The following RCL1 variants were observed in gnomAD, a reference collection of about 807,000 sequenced individuals.
RCL1 encodes RNA 3'-terminal phosphate cyclase-like protein.
Under a neutral mutation model 42.4 loss-of-function variants are expected in RCL1, and 24 were observed. That is an observed-to-expected ratio of 0.57 (90% CI 0.41 to 0.80). RCL1 has a LOEUF of 0.80. RCL1 is among the 30% of genes least tolerant of loss of function. The pLI, the probability that RCL1 is intolerant of heterozygous loss-of-function variation, is 0.00. For synonymous variants in RCL1, 228 were observed against 177.3 expected, an observed-to-expected ratio of 1.29 and a Z score of -2.27; for missense variants, 578 against 467.9, an observed-to-expected ratio of 1.24 and a Z score of -2.17.
At chr9:4,830,340 G>A (rs1028245015) in intron 3 of RCL1, among the ~76,000 whole-genome samples, 1 of 152,192 alleles carries the variant, frequency 6.6e-6, no homozygotes, top group Non-Finnish European at 1.5e-5. Context: ...TGTAGGCTGA[G>A]GAGAAGCTGT....
At chr9:4,806,669 T>A (rs1428561525) in intron 1 of RCL1, among the ~76,000 whole-genome samples, 1 of 151,740 alleles carries the variant, frequency 6.6e-6, no homozygotes, top group Non-Finnish European at 1.5e-5. Flanking sequence ...TTTTATTTGC[T>A]AATGTTTTGT....
chr9:4,824,719 A>C (rs1199519267), intron 2 of RCL1, among the ~76,000 whole-genome samples: 1 of 152,154 alleles, frequency 6.6e-6, no homozygotes, highest in Admixed American at 6.5e-5. Context: ...ATGTGGTCCT[A>C]TACCACATGA....
intron 2 of RCL1, among the ~76,000 whole-genome samples, chr9:4,824,218 A>C (rs181503695): frequency 2.1e-3 from 313 of 152,290 alleles, no homozygotes; most frequent in African/African-American, 6.5e-3. Flanking sequence ...ATAAGTTTAC[A>C]CAAGTATATG....
rs201302544 is a variant in RCL1, at chr9:4,849,558, A to G, written c.971+8A>G. On this transcript the variant is annotated splice_region_variant and intron_variant, in intron 8 of 8. Coordinates refer to ENST00000381750, the MANE Select transcript of RCL1 (RefSeq NM_005772.5). ...CCCTCTCTCTCCCTACACGTAAGTTATTCTTTTTCAACCTCGTTATTCTGT... is the reference window on the plus strand; with the variant it reads ...CCCTCTCTCTCCCTACACGTAAGTTGTTCTTTTTCAACCTCGTTATTCTGT... 3.1e-6 allele frequency: 5 copies of G among 1,594,968 alleles called. No individual in the cohort carries two copies. The highest frequency in any genetic ancestry group is 4.3e-6 in the Non-Finnish European group (5 of 1,162,664).
intron 5 of RCL1, 116 bp downstream of exon 5, chr9:4,834,381 T>A (rs1479533780): frequency 6.5e-6 from 8 of 1,228,478 alleles, no homozygotes; most frequent in Non-Finnish European, 8.8e-6. Context: ...GACTACAACT[T>A]TGAAAAGTCT....
intron 1 of RCL1, among the ~76,000 whole-genome samples, chr9:4,809,904 C>T (rs541346244): frequency 1.3e-5 from 2 of 152,240 alleles, no homozygotes; most frequent in East Asian, 1.9e-4. Context: ...GCAACTTCCA[C>T]CTCCTGGGTT....
chr9:4,854,236 T>C (rs117882640), intron 8 of RCL1, among the ~76,000 whole-genome samples: 268 of 152,284 alleles, frequency 1.8e-3, no homozygotes, highest in Non-Finnish European at 2.9e-3. Flanking sequence ...CTAGCCTAGT[T>C]CTCTGTTTCC....
intron 5 of RCL1, among the ~76,000 whole-genome samples, chr9:4,838,735 A>G (rs1817219307): frequency 6.6e-6 from 1 of 152,318 alleles, no homozygotes; most frequent in East Asian, 1.9e-4. Context: ...GAGGTTCATA[A>G]ACCTGAAAAA....
At chr9:4,846,203 T>C (rs1817505810) in intron 7 of RCL1, among the ~76,000 whole-genome samples, 1 of 152,210 alleles carries the variant, frequency 6.6e-6, no homozygotes, top group Admixed American at 6.5e-5. Flanking sequence ...GAATGAGCTG[T>C]TTCAGAATTA....
chr9:4,843,058 A>T (rs773900213), intron 6 of RCL1, among the ~76,000 whole-genome samples: 1 of 152,250 alleles, frequency 6.6e-6, no homozygotes, highest in Non-Finnish European at 1.5e-5. Flanking sequence ...GTGGGCCATC[A>T]ACTCCAAGCC....
At chr9:4,850,194 G>T in intron 8 of RCL1, 1 of 453,472 alleles carries the variant, frequency 2.2e-6, no homozygotes, top group East Asian at 5.7e-5. Flanking sequence ...CTGACATTGT[G>T]TGTGTGTGTT....
intron 3 of RCL1, among the ~76,000 whole-genome samples, chr9:4,829,824 C>T (rs1816891577): frequency 6.6e-6 from 1 of 152,160 alleles, no homozygotes; most frequent in Non-Finnish European, 1.5e-5. Flanking sequence ...ATGGTGGTTC[C>T]TCCATGACAG....
chr9:4,796,306 C>T (rs891409609), intron 1 of RCL1, among the ~76,000 whole-genome samples: 2 of 152,164 alleles, frequency 1.3e-5, no homozygotes, highest in African/African-American at 2.4e-5. Context: ...TTGTTCAGCT[C>T]CCACTTATAA....
chr9:4,828,300 C>G (rs1816834417), intron 3 of RCL1, among the ~76,000 whole-genome samples: 1 of 151,556 alleles, frequency 6.6e-6, no homozygotes, highest in South Asian at 2.1e-4. Flanking sequence ...TGTAGCTTTT[C>G]TACTCAGGGA....
chr9:4,841,285 G>A lies in RCL1; in HGVS notation c.638G>A (p.Arg213Lys), dbSNP rs781407536. The change falls in exon 6 of 9, where the codon AGG (arginine) becomes AAG (lysine). Residue 213 changes from arginine (R) to lysine (K), a missense_variant. By Grantham distance (26) the Arg-to-Lys change is conservative (BLOSUM62 2). Transcript: ENST00000381750. The stretch of plus-strand genomic sequence containing the variant: ...GCGAACCGGATTGTGGATTCTGCAA[G>A]GAGCATCCTCAACAAGTTCATACCT... ...QMANRIVDSA[R>K]SILNKFIPDI... 1.2e-6 allele frequency: 2 copies of A among 1,613,176 alleles called. No individual in the cohort carries two copies. The highest frequency in any genetic ancestry group is 1.7e-6 in the Non-Finnish European group (2 of 1,179,154).
At chr9:4,854,966 TCACTTGAAC>T (rs1817886903) in intron 8 of RCL1, among the ~76,000 whole-genome samples, 1 of 150,388 alleles carries the variant, frequency 6.6e-6, no homozygotes, top group Non-Finnish European at 1.5e-5. Flanking sequence ...GGCAGGAGAA[TCACTTGAAC>T]CTGGGAGGCA....
chr9:4,811,809 TC>T (rs1400366789), intron 1 of RCL1, among the ~76,000 whole-genome samples: 1 of 152,222 alleles, frequency 6.6e-6, no homozygotes, highest in Non-Finnish European at 1.5e-5. Context: ...AATTTACATT[TC>T]CACCAACAGT....
chr9:4,798,896 TTA>T (rs1188934145), intron 1 of RCL1, among the ~76,000 whole-genome samples: 4 of 150,488 alleles, frequency 2.7e-5, no homozygotes, highest in Non-Finnish European at 5.9e-5. Flanking sequence ...TTTTTTTTTT[TTA>T]AAGGCAAATG....
At chr9:4,825,078 A>AC (rs1816713596) in intron 2 of RCL1, among the ~76,000 whole-genome samples, 1 of 135,886 alleles carries the variant, frequency 7.4e-6, no homozygotes, top group Non-Finnish European at 1.6e-5. Context: ...TACCTGGCTC[A>AC]TTTTTTTTTT....
Sources: allele counts gnomAD v4.1 joint callset (sites outside exome capture counted in the v4.1 genomes callset), GRCh38; gene constraint gnomAD v4.1.1; transcripts MANE v1.5; gene names NCBI Gene and HGNC (gene_info 2026-07-23, HGNC 2026-07-21).